Variants in DLG2 observed in about 807,000 individuals in gnomAD.
DLG2 encodes disks large homolog 2.
Under a neutral mutation model 132.5 loss-of-function variants are expected in DLG2, and 45 were observed. That is an observed-to-expected ratio of 0.34 (90% CI 0.27 to 0.44). The LOEUF (loss-of-function observed/expected upper bound fraction) is 0.44, where lower values mean the gene tolerates loss of function less well. Ranked by LOEUF, DLG2 falls within the 20% of genes least tolerant of loss-of-function variation. DLG2 has a pLI of 1.00. For synonymous variants in DLG2, 424 were observed against 419.6 expected, an observed-to-expected ratio of 1.01 and a Z score of -0.13; for missense variants, 1,045 against 1,196.9, an observed-to-expected ratio of 0.87 and a Z score of 1.87.
chr11:84,066,620 G>C (rs1401878092), intron 10 of DLG2, among the ~76,000 whole-genome samples: 1 of 152,114 alleles, frequency 6.6e-6, no homozygotes, highest in Non-Finnish European at 1.5e-5. Context: ...AATTAGCCAC[G>C]CATGGTGGCA....
At chr11:85,127,692 C>G (rs901838942) in intron 5 of DLG2, among the ~76,000 whole-genome samples, 1 of 152,148 alleles carries the variant, frequency 6.6e-6, no homozygotes, top group South Asian at 2.1e-4. Context: ...GAATAAATAG[C>G]TTTGTCTATG....
In DLG2 at chr11:83,904,287, AT is replaced by A. The variant is rs1307361437; in HGVS notation, c.1496+26040del. ...TTATTTCTGAAATTTTCCATTTAAT[AT>A]TTTTAGACCATGATTGATATGCAAA... On this transcript the variant is annotated intron_variant, in intron 15 of 27. Transcript: ENST00000376104. Among the ~76,000 whole-genome samples, 4 of 152,176 alleles carry A rather than the reference AT, an allele frequency of 2.6e-5. No individual in the cohort carries two copies. In the East Asian group the frequency reaches 7.7e-4, roughly 29 times the overall value.
chr11:85,064,648 A>T (rs1186140654), intron 6 of DLG2, among the ~76,000 whole-genome samples: 1 of 151,756 alleles, frequency 6.6e-6, no homozygotes, highest in African/African-American at 2.4e-5. Context: ...TGTGGTACCA[A>T]GCTGTTTGGT....
intron 3 of DLG2, among the ~76,000 whole-genome samples, chr11:85,560,507 A>C (rs76875353): frequency 0.02 from 3,048 of 151,918 alleles, 107 homozygotes; most frequent in Admixed American, 0.037. Context: ...CTAAGATTCA[A>C]CTTATATGAA....
At chr11:84,914,085 G>A (rs1330919078) in intron 6 of DLG2, among the ~76,000 whole-genome samples, 2 of 152,166 alleles carry the variant, frequency 1.3e-5, no homozygotes, top group Non-Finnish European at 2.9e-5. Context: ...CCTTTTTAAA[G>A]TTGTAAATCT....
At chr11:84,987,218 C>T (rs1216430538) in intron 6 of DLG2, among the ~76,000 whole-genome samples, 1 of 152,032 alleles carries the variant, frequency 6.6e-6, no homozygotes, top group Non-Finnish European at 1.5e-5. Flanking sequence ...GGTGAAAGAC[C>T]TCTAGCAAGA....
chr11:85,293,631 A>G (rs1259342292), intron 3 of DLG2, among the ~76,000 whole-genome samples: 2 of 152,150 alleles, frequency 1.3e-5, no homozygotes, highest in Non-Finnish European at 2.9e-5. Context: ...TAAGAAAAGA[A>G]AAGCTTATGA....
intron 4 of DLG2, among the ~76,000 whole-genome samples, chr11:85,166,537 A>G (rs2078464755): frequency 1.3e-5 from 2 of 152,032 alleles, no homozygotes; most frequent in Admixed American, 1.3e-4. Flanking sequence ...TTCTTTATCC[A>G]GCTGGATGGG....
intron 3 of DLG2, among the ~76,000 whole-genome samples, chr11:85,345,801 G>A (rs2082793990): frequency 6.6e-6 from 1 of 152,016 alleles, no homozygotes; most frequent in Non-Finnish European, 1.5e-5. Flanking sequence ...ACCCCAAAGA[G>A]CACAGCTGCA....
At chr11:84,748,908 G>A (rs78786924) in intron 6 of DLG2, among the ~76,000 whole-genome samples, 8 of 152,120 alleles carry the variant, frequency 5.3e-5, no homozygotes, top group Admixed American at 2.0e-4. Context: ...TATGGCTCAC[G>A]CCTATAATCG....
At chr11:85,093,537 G>T (rs1345741622) in intron 6 of DLG2, among the ~76,000 whole-genome samples, 2 of 152,202 alleles carry the variant, frequency 1.3e-5, no homozygotes, top group Admixed American at 1.3e-4. Flanking sequence ...AAGGAAAGAA[G>T]TTTAATGTAC....
intron 6 of DLG2, among the ~76,000 whole-genome samples, chr11:84,574,287 A>C (rs1024577532): frequency 4.6e-5 from 7 of 152,130 alleles, no homozygotes; most frequent in Non-Finnish European, 2.9e-5. Context: ...CTTGAAAATA[A>C]GATATTACAG....
At chr11:84,307,694 T>TTAAAAAAAAAAA (rs2098236798) in intron 7 of DLG2, among the ~76,000 whole-genome samples, 1 of 54,678 alleles carries the variant, frequency 1.8e-5, no homozygotes, top group African/African-American at 1.3e-4. Flanking sequence ...AGACGCAGTC[T>TTAAAAAAAAAAA]CAAAAAAAAA....
chr11:84,538,054 C>A (rs564320085), intron 6 of DLG2, among the ~76,000 whole-genome samples: 5 of 152,240 alleles, frequency 3.3e-5, no homozygotes, highest in East Asian at 1.9e-4. Context: ...AAAGAACAAC[C>A]CTTGACTTCA....
chr11:85,307,998 T>C (rs1454473695), intron 3 of DLG2, among the ~76,000 whole-genome samples: 5 of 151,654 alleles, frequency 3.3e-5, no homozygotes, highest in African/African-American at 1.2e-4. Flanking sequence ...CTACTAAAAA[T>C]ACAAAAATTA....
chr11:84,064,962 A>T (rs1481968166), intron 10 of DLG2, among the ~76,000 whole-genome samples: 2 of 152,208 alleles, frequency 1.3e-5, no homozygotes, highest in Non-Finnish European at 2.9e-5. Context: ...AAAACAAGCA[A>T]TGGGGAAAGG....
chr11:84,527,899 C>CTCTCTT (rs2099326463), intron 7 of DLG2, among the ~76,000 whole-genome samples: 1 of 124,004 alleles, frequency 8.1e-6, no homozygotes, highest in African/African-American at 2.8e-5. Context: ...CCCTTTCTCT[C>CTCTCTT]TCTCTCTCTC....
chr11:83,551,590 C>T (rs659427), intron 19 of DLG2, among the ~76,000 whole-genome samples: 95,912 of 151,912 alleles, frequency 0.63, 30,424 homozygotes, highest in African/African-American at 0.67. Context: ...GAGTTTGTTA[C>T]TTTGCCTATG....
chr11:83,859,284 A>G (rs1212364370), intron 16 of DLG2, among the ~76,000 whole-genome samples: 2 of 152,190 alleles, frequency 1.3e-5, no homozygotes, highest in African/African-American at 4.8e-5. Flanking sequence ...GAAGACAGGA[A>G]AATGTGGGAA....
Sources: gnomAD v4.1 joint callset for allele counts (sites outside exome capture counted in the v4.1 genomes callset) on GRCh38, gnomAD v4.1.1 for gene constraint, MANE v1.5 for transcripts, NCBI Gene and HGNC (gene_info 2026-07-23, HGNC 2026-07-21) for gene names.